HERC3: variants seen among roughly 807,000 people sequenced by gnomAD.
HERC3 encodes HECT and RLD domain containing E3 ubiquitin protein ligase 3, also known as probable E3 ubiquitin-protein ligase HERC3.
In HERC3, 58 loss-of-function variants were observed where a neutral mutation model predicts 129.9. That is an observed-to-expected ratio of 0.45 (90% confidence interval 0.36 to 0.56). HERC3 has a LOEUF of 0.56. Ranked by LOEUF, HERC3 falls within the 20% of genes least tolerant of loss-of-function variation. The pLI, the probability that HERC3 is intolerant of heterozygous loss-of-function variation, is 0.00. For synonymous variants in HERC3, 430 were observed against 451.0 expected (o/e 0.95, Z 0.59); for missense variants, 835 against 1,244.2 (o/e 0.67, Z 4.95).
chr4:88,581,084 G>A, the HERC3 span, among the ~76,000 whole-genome samples: 1 of 152,088 alleles, frequency 6.6e-6, no homozygotes, highest in Non-Finnish European at 1.5e-5. Context: ...AGGGAAGAGG[G>A]AAAGAGAAAA....
intron 20 of HERC3, 50 bp from the exon 21 acceptor site, chr4:88,681,109 G>A (rs367994316): frequency 2.6e-6 from 4 of 1,513,342 alleles, no homozygotes; most frequent in Non-Finnish European, 2.7e-6. Flanking sequence ...ATGTTTGAAG[G>A]CCAGAAACAT....
At chr4:88,534,746 A>G in the HERC3 span, among the ~76,000 whole-genome samples, 38 of 152,216 alleles carry the variant, frequency 2.5e-4, no homozygotes, top group Non-Finnish European at 1.2e-4. Flanking sequence ...TGGCTTTTTT[A>G]TTATCCAGGT....
chr4:88,557,008 G>C, the HERC3 span, among the ~76,000 whole-genome samples: 2 of 151,916 alleles, frequency 1.3e-5, no homozygotes, highest in Non-Finnish European at 2.9e-5. Context: ...ACATTTTGCA[G>C]TTCTGCAAAA....
intron 21 of HERC3, among the ~76,000 whole-genome samples, chr4:88,685,911 C>A (rs1410889896): frequency 2.0e-5 from 3 of 151,996 alleles, no homozygotes; most frequent in African/African-American, 7.3e-5. Context: ...AAAAGAAGCT[C>A]TTTTTTCACT....
the HERC3 span, among the ~76,000 whole-genome samples, chr4:88,557,099 C>T: frequency 3.9e-5 from 6 of 152,170 alleles, no homozygotes; most frequent in Non-Finnish European, 8.8e-5. Context: ...TCCTTCCTCT[C>T]CCTTTCCCAC....
At chr4:88,585,217 C>T in the HERC3 span, among the ~76,000 whole-genome samples, 5 of 152,228 alleles carry the variant, frequency 3.3e-5, no homozygotes, top group Non-Finnish European at 7.3e-5. Flanking sequence ...AAGTCCCACA[C>T]CTCCAAATAC....
In HERC3 at chr4:88,606,857, C is replaced by A. The variant is rs55924147; in HGVS notation, c.226+808C>A. On this transcript the variant is annotated intron_variant, in intron 3 of 25. Coordinates refer to ENST00000402738, the MANE Select transcript of HERC3 (RefSeq NM_014606.3). ...GGGTGGGGACACAGCCAAATCATAT[C>A]ATCCAGTAATTTAATGCTGAGAAAT... 2.5e-3 allele frequency among the ~76,000 whole-genome samples: 382 copies of A among 152,318 alleles called. 2 individuals carry two copies. The highest frequency in any genetic ancestry group is 8.5e-3 in the African/African-American group (355 of 41,562).
At chr4:88,536,635 A>T in the HERC3 span, among the ~76,000 whole-genome samples, 2 of 152,322 alleles carry the variant, frequency 1.3e-5, no homozygotes, top group African/African-American at 2.4e-5. Flanking sequence ...TTTAATAAAC[A>T]CTTGTAAAAT....
Position 88,706,908 on chromosome 4 carries a change from G to A in HERC3, c.3101G>A (p.Ser1034Asn), listed in dbSNP as rs762844355. ...LPKYSSKEIL[S>N]ARLTQALDNY... Reference sequence around the variant, plus strand: ...AAGTACAGCAGCAAAGAGATTCTGAGTGCCCGGCTGACCCAGGCCCTTGAC... The same window carrying A: ...AAGTACAGCAGCAAAGAGATTCTGAATGCCCGGCTGACCCAGGCCCTTGAC... Residue 1034 changes from serine (S) to asparagine (N), a missense_variant, in exon 26 of 26, where the codon AGT becomes AAT. Coordinates refer to ENST00000402738, the MANE Select transcript of HERC3 (RefSeq NM_014606.3). The A allele has an allele frequency of 3.7e-6, 6 of 1,614,104 alleles. No homozygotes were observed. Among genetic ancestry groups the A allele is most frequent in the Non-Finnish European group, 5.1e-6 (6 of 1,180,054 alleles).
At chr4:88,560,121 G>A in the HERC3 span, among the ~76,000 whole-genome samples, 1 of 151,970 alleles carries the variant, frequency 6.6e-6, no homozygotes, top group Non-Finnish European at 1.5e-5. Flanking sequence ...CACCAAGCCT[G>A]GCTAATTTTT....
At chr4:88,622,864 G>A (rs1238561457) in intron 3 of HERC3, among the ~76,000 whole-genome samples, 1 of 152,154 alleles carries the variant, frequency 6.6e-6, no homozygotes. Flanking sequence ...GGGAGGCAGA[G>A]ATGGCAGTGA....
At chr4:88,558,933 G>A in the HERC3 span, among the ~76,000 whole-genome samples, 211 of 146,796 alleles carry the variant, frequency 1.4e-3, no homozygotes, top group African/African-American at 4.5e-3. Flanking sequence ...ATGCCACTGC[G>A]CTCCAGCCTG....
At chr4:88,541,900 AG>A in the HERC3 span, among the ~76,000 whole-genome samples, 1 of 152,360 alleles carries the variant, frequency 6.6e-6, no homozygotes, top group African/African-American at 2.4e-5. Context: ...GAAACCAATG[AG>A]AACAAAGACA....
the HERC3 span, among the ~76,000 whole-genome samples, chr4:88,571,069 T>C: frequency 1.3e-5 from 2 of 152,072 alleles, no homozygotes; most frequent in Non-Finnish European, 2.9e-5. Flanking sequence ...CCTATTTTAC[T>C]TTTTTAGAGA....
intron 16 of HERC3, among the ~76,000 whole-genome samples, chr4:88,670,909 AG>A (rs1212932218): frequency 6.6e-6 from 1 of 152,000 alleles, no homozygotes; most frequent in Non-Finnish European, 1.5e-5. Context: ...CCTGACATTG[AG>A]GAAGGGTCAT....
chr4:88,629,279 A>G (rs537514470), intron 3 of HERC3, among the ~76,000 whole-genome samples: 1 of 151,938 alleles, frequency 6.6e-6, no homozygotes, highest in South Asian at 2.1e-4. Context: ...CTTTAATTCT[A>G]CCACTCTGAA....
chr4:88,558,963 G>C, the HERC3 span, among the ~76,000 whole-genome samples: 4 of 105,000 alleles, frequency 3.8e-5, no homozygotes, highest in East Asian at 1.3e-3. Flanking sequence ...GCGAGACTCT[G>C]TCTCAAAAAA....
chr4:88,596,119 G>A (rs548943088), intron 2 of HERC3, among the ~76,000 whole-genome samples: 1 of 152,244 alleles, frequency 6.6e-6, no homozygotes, highest in South Asian at 2.1e-4. Flanking sequence ...AAAGTGTTAG[G>A]ATTACAGGCG....
chr4:88,626,300 A>T (rs537162216), intron 3 of HERC3, among the ~76,000 whole-genome samples: 2 of 150,860 alleles, frequency 1.3e-5, no homozygotes, highest in Admixed American at 1.3e-4. Context: ...TCCCACCTCA[A>T]CCTCCCAAGA....
Sources: gnomAD v4.1 joint callset for allele counts (sites outside exome capture counted in the v4.1 genomes callset) on GRCh38, gnomAD v4.1.1 for gene constraint, MANE v1.5 for transcripts, NCBI Gene and HGNC (gene_info 2026-07-23, HGNC 2026-07-21) for gene names.